RIMS1: variants seen among roughly 807,000 people sequenced by gnomAD.
RIMS1 encodes the protein regulating synaptic membrane exocytosis protein 1.
RIMS1 carries 83 observed loss-of-function variants against 214.1 expected under a neutral mutation model. That is an observed-to-expected ratio of 0.39 (90% CI 0.32 to 0.47). The LOEUF is 0.47. Among genes scored for constraint, RIMS1 ranks in the 20% least tolerant of loss-of-function variants. The pLI, the probability that RIMS1 is intolerant of heterozygous loss-of-function variation, is 0.99. For missense variants in RIMS1, 2,050 were observed against 2,161.8 expected (o/e 0.95, Z 1.03); for synonymous variants, 793 against 786.8 (o/e 1.01, Z -0.13).
intron 2 of RIMS1, among the ~76,000 whole-genome samples, chr6:72,088,605 G>T (rs1409700471): frequency 6.6e-6 from 1 of 152,104 alleles, no homozygotes; most frequent in East Asian, 1.9e-4. Context: ...AGGAATTCAT[G>T]TTGCTCTCAT....
At chr6:72,087,607 C>T (rs904403179) in intron 2 of RIMS1, among the ~76,000 whole-genome samples, 3 of 152,136 alleles carry the variant, frequency 2.0e-5, no homozygotes, top group African/African-American at 7.2e-5. Context: ...AGTGAGCAAG[C>T]AAAATGGCTT....
intron 1 of RIMS1, among the ~76,000 whole-genome samples, chr6:71,961,577 C>T (rs1260729578): frequency 6.6e-6 from 1 of 152,062 alleles, no homozygotes; most frequent in Non-Finnish European, 1.5e-5. Context: ...CCCTATTTCT[C>T]TTCAGCCCAC....
At chr6:72,335,097 A>G (rs1027537025) in intron 29 of RIMS1, among the ~76,000 whole-genome samples, 1 of 151,986 alleles carries the variant, frequency 6.6e-6, no homozygotes, top group African/African-American at 2.4e-5. Context: ...GCTCTGGGAT[A>G]CATGCGCAGA....
At chr6:72,030,890 G>A (rs563146307) in intron 2 of RIMS1, among the ~76,000 whole-genome samples, 1 of 152,140 alleles carries the variant, frequency 6.6e-6, no homozygotes, top group East Asian at 1.9e-4. Flanking sequence ...CTATTGTTAG[G>A]AAAGACGGCA....
chr6:72,255,564 A>C (rs1351034412), intron 16 of RIMS1, among the ~76,000 whole-genome samples: 1 of 152,214 alleles, frequency 6.6e-6, no homozygotes. Flanking sequence ...TTAACTTTGT[A>C]GTTATAGCCT....
chr6:72,194,849 A>G (rs1340625095), intron 6 of RIMS1, among the ~76,000 whole-genome samples: 1 of 152,188 alleles, frequency 6.6e-6, no homozygotes, highest in Admixed American at 6.6e-5. Context: ...AGTGATTGCC[A>G]TTCATACTGC....
rs762763754 is a variant in RIMS1, at chr6:72,251,254, C to T, written c.2584C>T (p.Pro862Ser). 5 of 1,598,550 alleles carry T rather than the reference C, an allele frequency of 3.1e-6. No homozygotes were observed. Among genetic ancestry groups the T allele is most frequent in the Non-Finnish European group, 4.3e-6 (5 of 1,171,592 alleles). ...GGAGACAGCGCTTTTAGATGATGAA[C>T]CGCATTGGTATAAACTTCAGACACA... ...ELETALLDDE[P>S]HWYKLQTHDE... The change falls in exon 15 of 34, where the codon CCG becomes TCG. Residue 862 changes from proline (P) to serine (S), a missense_variant. This residue lies in a region of RIMS1 where 889 missense variants were observed against 885.5 expected (regional missense o/e 1.00). Transcript: ENST00000521978.
intron 2 of RIMS1, among the ~76,000 whole-genome samples, chr6:72,051,042 A>G (rs1039475497): frequency 6.6e-6 from 1 of 152,196 alleles, no homozygotes; most frequent in Admixed American, 6.5e-5. Context: ...TCACACTTGA[A>G]AAAAGGAAGT....
intron 28 of RIMS1, among the ~76,000 whole-genome samples, chr6:72,330,151 C>T (rs777736937): frequency 1.1e-3 from 174 of 151,662 alleles, no homozygotes; most frequent in Non-Finnish European, 2.1e-3. Context: ...TAAAGTATTT[C>T]AAGACAAGGG....
intron 2 of RIMS1, among the ~76,000 whole-genome samples, chr6:72,095,215 G>A (rs1385093300): frequency 6.8e-6 from 1 of 146,286 alleles, no homozygotes; most frequent in Non-Finnish European, 1.5e-5. Context: ...CGCCTGCCTC[G>A]GCCTCCCAAA....
At chr6:72,137,914 T>A (rs901263875) in intron 4 of RIMS1, among the ~76,000 whole-genome samples, 3 of 152,030 alleles carry the variant, frequency 2.0e-5, no homozygotes, top group Admixed American at 2.0e-4. Context: ...TTTTTTGTAT[T>A]TTTAGTAGAG....
intron 22 of RIMS1, among the ~76,000 whole-genome samples, chr6:72,268,391 A>G (rs1406488486): frequency 6.6e-6 from 1 of 152,196 alleles, no homozygotes; most frequent in Non-Finnish European, 1.5e-5. Context: ...CAAATGTTTT[A>G]AAAACTTAAT....
chr6:72,221,945 A>G (rs1467340651), intron 6 of RIMS1, among the ~76,000 whole-genome samples: 5 of 152,018 alleles, frequency 3.3e-5, no homozygotes, highest in African/African-American at 1.2e-4. Flanking sequence ...TGGTGATATT[A>G]TTAGGTCAGT....
intron 7 of RIMS1, among the ~76,000 whole-genome samples, chr6:72,235,413 CG>C (rs2063622899): frequency 6.6e-6 from 1 of 151,996 alleles, no homozygotes; most frequent in South Asian, 2.1e-4. Context: ...ACAACATCAA[CG>C]TTTTTTTAGC....
At chr6:72,051,864 T>G (rs903929151) in intron 2 of RIMS1, among the ~76,000 whole-genome samples, 2 of 144,838 alleles carry the variant, frequency 1.4e-5, no homozygotes, top group African/African-American at 5.6e-5. Flanking sequence ...CATTTAGCTG[T>G]TTTTTTTTCA....
chr6:72,093,796 G>A (rs80333985), intron 2 of RIMS1, among the ~76,000 whole-genome samples: 2,308 of 151,748 alleles, frequency 0.015, 62 homozygotes, highest in African/African-American at 0.051. Flanking sequence ...TACTGGTTTG[G>A]ATATCATACA....
At chr6:71,969,118 G>A in intron 2 of RIMS1, 55 bp downstream of exon 2, 1 of 1,527,550 alleles carries the variant, frequency 6.5e-7, no homozygotes, top group Non-Finnish European at 9.1e-7. Context: ...CACAGATCAT[G>A]GTTACAGATT....
chr6:72,259,471 T>C (rs1352792650), intron 18 of RIMS1, among the ~76,000 whole-genome samples: 1 of 152,140 alleles, frequency 6.6e-6, no homozygotes, highest in Non-Finnish European at 1.5e-5. Context: ...GAAGTAATCA[T>C]AAAAATTATG....
At chr6:72,114,293 A>G (rs1044316451) in intron 4 of RIMS1, among the ~76,000 whole-genome samples, 11 of 151,986 alleles carry the variant, frequency 7.2e-5, no homozygotes, top group Non-Finnish European at 1.3e-4. Context: ...ATGGAATTGT[A>G]TTCGCACTGG....
Sources: allele counts gnomAD v4.1 joint callset (sites outside exome capture counted in the v4.1 genomes callset), GRCh38; gene constraint gnomAD v4.1.1; regional missense constraint gnomAD v4.1.1; transcripts MANE v1.5; gene names NCBI Gene and HGNC (gene_info 2026-07-23, HGNC 2026-07-21).